The following TNIK variants were observed in gnomAD, a reference collection of about 807,000 sequenced individuals.
TNIK encodes the protein TRAF2 and NCK-interacting protein kinase.
Under a neutral mutation model 191.3 loss-of-function variants are expected in TNIK, and 49 were observed. That is an observed-to-expected ratio of 0.26 (90% CI 0.20 to 0.32). TNIK has a LOEUF of 0.32. Ranked by LOEUF, TNIK falls within the 10% of genes least tolerant of loss-of-function variation. TNIK has a pLI of 1.00. For missense variants in TNIK, 1,155 were observed against 1,702.3 expected, an observed-to-expected ratio of 0.68 and a Z score of 5.66; for synonymous variants, 594 against 600.9, an observed-to-expected ratio of 0.99 and a Z score of 0.17.
intron 2 of TNIK, among the ~76,000 whole-genome samples, chr3:171,229,698 A>C (rs758150825): frequency 2.6e-5 from 4 of 151,902 alleles, no homozygotes; most frequent in Non-Finnish European, 4.4e-5. Context: ...CACATATCTC[A>C]GCTTTAAAAA....
intron 1 of TNIK, among the ~76,000 whole-genome samples, chr3:171,378,733 T>A (rs1282423426): frequency 6.6e-6 from 1 of 152,140 alleles, no homozygotes; most frequent in Non-Finnish European, 1.5e-5. Context: ...TGAGATCATA[T>A]CAATAAAATA....
chr3:171,117,339 T>C (rs1461241786), intron 18 of TNIK, among the ~76,000 whole-genome samples: 1 of 152,230 alleles, frequency 6.6e-6, no homozygotes, highest in Non-Finnish European at 1.5e-5. Context: ...CTTAAGAATG[T>C]AGACTTTGGT....
At chr3:171,100,984 TG>T (rs1723454909) in intron 22 of TNIK, among the ~76,000 whole-genome samples, 1 of 152,124 alleles carries the variant, frequency 6.6e-6, no homozygotes, top group Non-Finnish European at 1.5e-5. Context: ...ATTCTTTTGC[TG>T]GGATGGTAAC....
chr3:171,365,722 A>G (rs567471026), intron 2 of TNIK, among the ~76,000 whole-genome samples: 5 of 152,278 alleles, frequency 3.3e-5, no homozygotes, highest in Admixed American at 2.0e-4. Flanking sequence ...GAGGACTATG[A>G]AGACTCTTAT....
chr3:171,126,719 C>T (rs1023528821), intron 16 of TNIK, among the ~76,000 whole-genome samples: 3 of 152,190 alleles, frequency 2.0e-5, no homozygotes, highest in African/African-American at 7.2e-5. Flanking sequence ...ATTCTACACC[C>T]ATAGCTCATA....
chr3:171,130,538 G>A (rs887449022), intron 15 of TNIK, among the ~76,000 whole-genome samples: 1 of 152,132 alleles, frequency 6.6e-6, no homozygotes, highest in African/African-American at 2.4e-5. Flanking sequence ...CTATTGCATT[G>A]AGCAAAAGAA....
chr3:171,160,330 A>G (rs1169367586), intron 11 of TNIK, among the ~76,000 whole-genome samples: 2 of 152,102 alleles, frequency 1.3e-5, no homozygotes, highest in African/African-American at 4.8e-5. Context: ...TAAAAAAAGA[A>G]CACATGGTAT....
At chr3:171,451,310 C>T (rs1728147892) in intron 1 of TNIK, among the ~76,000 whole-genome samples, 1 of 152,216 alleles carries the variant, frequency 6.6e-6, no homozygotes, top group Non-Finnish European at 1.5e-5. Context: ...GAACTGAGGC[C>T]TCCTGCCAAC....
intron 2 of TNIK, among the ~76,000 whole-genome samples, chr3:171,353,599 A>G (rs1278715711): frequency 6.6e-6 from 1 of 152,206 alleles, no homozygotes; most frequent in Admixed American, 6.6e-5. Flanking sequence ...CAAAGCACAT[A>G]CTAAATCTAT....
At position 171,060,619 on chromosome 3, in the gene TNIK, A is replaced by G. The variant is rs1010733678; in HGVS notation, c.*3262T>C. 3.3e-5 allele frequency among the ~76,000 whole-genome samples: 5 copies of G among 152,290 alleles called. No homozygotes were observed. The highest frequency in any genetic ancestry group is 2.0e-4 in the Admixed American group (3 of 15,296). On this transcript the variant is annotated 3_prime_UTR_variant, in exon 33 of 33. Transcript: ENST00000436636. The stretch of plus-strand genomic sequence containing the variant: ...GATCTATCTAAAATAGAGCTGTTCA[A>G]TTTTATGTGGAACTTAGTGAAGGCT...
chr3:171,334,836 T>A (rs925836844), intron 2 of TNIK, among the ~76,000 whole-genome samples: 2 of 151,728 alleles, frequency 1.3e-5, no homozygotes, highest in Non-Finnish European at 2.9e-5. Flanking sequence ...GTATTAAATT[T>A]AAAAACTTGA....
chr3:171,400,453 C>A (rs1438395169), intron 1 of TNIK, among the ~76,000 whole-genome samples: 1 of 151,926 alleles, frequency 6.6e-6, no homozygotes. Flanking sequence ...CCTGTAGTCC[C>A]AGATACTTGG....
intron 2 of TNIK, among the ~76,000 whole-genome samples, chr3:171,296,216 G>T (rs960807189): frequency 6.6e-6 from 1 of 152,078 alleles, no homozygotes; most frequent in East Asian, 1.9e-4. Context: ...TTCCTGAACT[G>T]TTGGCAGAAG....
At chr3:171,332,528 C>T (rs1756512711) in intron 2 of TNIK, among the ~76,000 whole-genome samples, 1 of 152,200 alleles carries the variant, frequency 6.6e-6, no homozygotes. Flanking sequence ...CTGCCAGCTT[C>T]ACACACCACG....
At chr3:171,296,915 ATTTC>A (rs572105142) in intron 2 of TNIK, among the ~76,000 whole-genome samples, 66 of 152,322 alleles carry the variant, frequency 4.3e-4, no homozygotes, top group African/African-American at 1.6e-3. Flanking sequence ...ATGCAGAACA[ATTTC>A]TTTTAGATTT....
Position 171,202,226 on chromosome 3 carries a change from T to C in TNIK, c.307-7591A>G, listed in dbSNP as rs527638073. Among the ~76,000 whole-genome samples, 3 of 151,962 alleles carry C rather than the reference T, an allele frequency of 2.0e-5. No homozygotes were observed. In the East Asian group the frequency reaches 5.8e-4, roughly 29 times the overall value. ...GCATATATATATGTTTTTTTTTTGG[T>C]AGGAGTAAGTCACTACATGTCAATT... On this transcript the variant is annotated intron_variant, in intron 4 of 32. Coordinates refer to ENST00000436636, the MANE Select transcript of TNIK (RefSeq NM_015028.4).
At chr3:171,109,767 A>G (rs1725557163) in intron 19 of TNIK, among the ~76,000 whole-genome samples, 1 of 152,216 alleles carries the variant, frequency 6.6e-6, no homozygotes, top group Non-Finnish European at 1.5e-5. Flanking sequence ...GAAACAATGT[A>G]TTATTATGTA....
chr3:171,145,089 T>TCTC (rs34097012), intron 12 of TNIK, among the ~76,000 whole-genome samples: 13,944 of 46,924 alleles, frequency 0.3, 767 homozygotes, highest in African/African-American at 0.44. Context: ...TATCTCTCTC[T>TCTC]TTTTTTTTTT....
intron 24 of TNIK, among the ~76,000 whole-genome samples, chr3:171,085,648 A>G (rs1028244396): frequency 6.6e-6 from 1 of 152,188 alleles, no homozygotes. Context: ...CTTTATCCTG[A>G]ACAGAGTCAA....
Sources: allele counts gnomAD v4.1 joint callset (sites outside exome capture counted in the v4.1 genomes callset), GRCh38; gene constraint gnomAD v4.1.1; transcripts MANE v1.5; gene names NCBI Gene and HGNC (gene_info 2026-07-23, HGNC 2026-07-21).